Variants in TOX2 observed in about 807,000 individuals in gnomAD.
TOX2 encodes TOX high mobility group box family member 2, also known as granulosa cell HMG box 1.
A neutral mutation model predicts 47.4 loss-of-function variants in TOX2; 15 were observed. The observed-to-expected ratio is 0.32, with a 90% confidence interval of 0.21 to 0.49. The LOEUF is 0.49. Among genes scored for constraint, TOX2 ranks in the 20% least tolerant of loss-of-function variants. TOX2 has a pLI of 0.99. For missense variants in TOX2, 622 were observed against 673.1 expected (o/e 0.92, Z 0.84); for synonymous variants, 290 against 296.6 (o/e 0.98, Z 0.23).
At chr20:43,987,691 G>A (rs1052140240) in intron 2 of TOX2, among the ~76,000 whole-genome samples, 3 of 152,054 alleles carry the variant, frequency 2.0e-5, no homozygotes, top group Non-Finnish European at 2.9e-5. Context: ...ATGGATGGGC[G>A]AGCCTTTTAC....
chr20:43,941,219 A>G (rs1170913836), intron 1 of TOX2, among the ~76,000 whole-genome samples: 1 of 152,014 alleles, frequency 6.6e-6, no homozygotes, highest in Non-Finnish European at 1.5e-5. Context: ...GTTCACCTGC[A>G]CTGCATTTAA....
At chr20:43,938,637 C>T (rs1308102051) in intron 1 of TOX2, among the ~76,000 whole-genome samples, 3 of 152,152 alleles carry the variant, frequency 2.0e-5, no homozygotes, top group African/African-American at 4.8e-5. Context: ...TCCCACTTTA[C>T]GGAGAGCCTC....
intron 2 of TOX2, among the ~76,000 whole-genome samples, chr20:44,004,929 A>G (rs1569085791): frequency 6.6e-6 from 1 of 152,228 alleles, no homozygotes; most frequent in Non-Finnish European, 1.5e-5. Flanking sequence ...ACGTAGTTAT[A>G]TAGTCTGAAA....
At chr20:44,015,688 T>C (rs557940929) in intron 3 of TOX2, among the ~76,000 whole-genome samples, 1 of 152,318 alleles carries the variant, frequency 6.6e-6, no homozygotes, top group Non-Finnish European at 1.5e-5. Context: ...GAGTGTGAAG[T>C]TGAACACAAA....
intron 4 of TOX2, 149 bp downstream of exon 4, chr20:44,051,694 G>A (rs1193461033): frequency 1.1e-5 from 14 of 1,272,112 alleles, no homozygotes; most frequent in African/African-American, 1.5e-5. Context: ...CACTGAGCAG[G>A]CGTTCCTGGT....
intron 2 of TOX2, among the ~76,000 whole-genome samples, chr20:43,973,805 G>A (rs953489241): frequency 1.3e-5 from 2 of 152,206 alleles, no homozygotes; most frequent in African/African-American, 4.8e-5. Flanking sequence ...GTTCTGGTTT[G>A]GATGCACACA....
intron 3 of TOX2, among the ~76,000 whole-genome samples, chr20:44,027,137 A>G (rs2071080185): frequency 6.6e-6 from 1 of 152,272 alleles, no homozygotes; most frequent in South Asian, 2.1e-4. Context: ...TGAATAATTT[A>G]AATGAGGGTG....
At chr20:43,957,981 C>A (rs928319715) in intron 1 of TOX2, among the ~76,000 whole-genome samples, 53 of 152,310 alleles carry the variant, frequency 3.5e-4, no homozygotes, top group African/African-American at 1.2e-3. Flanking sequence ...CACCATGTCC[C>A]TCCTCCAAAA....
intron 3 of TOX2, among the ~76,000 whole-genome samples, chr20:44,042,516 G>A (rs77107853): frequency 0.016 from 2,511 of 152,296 alleles, 77 homozygotes; most frequent in African/African-American, 0.057. Context: ...ATAAAAGATC[G>A]TGATGATTCA....
intron 1 of TOX2, among the ~76,000 whole-genome samples, chr20:43,959,981 T>G (rs1439326015): frequency 6.6e-6 from 1 of 152,114 alleles, no homozygotes; most frequent in African/African-American, 2.4e-5. Flanking sequence ...TTCCTGGGTT[T>G]GAATCTTCAT....
At chr20:43,976,767 A>G (rs926748266) in intron 2 of TOX2, among the ~76,000 whole-genome samples, 6 of 145,668 alleles carry the variant, frequency 4.1e-5, no homozygotes, top group Middle Eastern at 3.6e-3. Flanking sequence ...TTGAACTCAC[A>G]ACGCGAGCGC....
At position 44,068,851 on chromosome 20, in the gene TOX2, ACT is replaced by A; in HGVS notation, c.*168_*169del. ...AGTCTCTTCCTCAACCTCCCACCAG[ACT>A]CTGCAGAGGCAGCCCACTGCCCACC... On this transcript the variant is annotated 3_prime_UTR_variant, in exon 9 of 9. Transcript: ENST00000341197. 1.0e-6 allele frequency: 1 copy of A among 959,718 alleles called. No homozygotes were observed. Among genetic ancestry groups the A allele is most frequent in the Non-Finnish European group, 1.6e-6 (1 of 608,600 alleles). The allele number at this position is 959,718 out of a possible 1,614,324, so 59.5% of individuals were successfully genotyped here. A position where few individuals can be genotyped will look rare whatever the true frequency, so the allele number is the denominator to read the frequency against.
chr20:44,064,115 C>CA (rs35832249), intron 5 of TOX2, among the ~76,000 whole-genome samples: 2 of 152,036 alleles, frequency 1.3e-5, no homozygotes, highest in African/African-American at 4.8e-5. Context: ...TATTCATATA[C>CA]AAAAAAAATT....
chr20:43,957,232 G>A (rs1360051492), intron 1 of TOX2, among the ~76,000 whole-genome samples: 1 of 152,126 alleles, frequency 6.6e-6, no homozygotes, highest in Non-Finnish European at 1.5e-5. Flanking sequence ...ATGCATTTTG[G>A]TTGGTGTCTT....
rs771870520 is a variant in TOX2 at position 44,054,327 on chromosome 20, A to G, written c.680A>G (p.Asp227Gly). 3.1e-6 allele frequency: 5 copies of G among 1,612,378 alleles called. No individual in the cohort carries two copies. In the Admixed American group the frequency reaches 8.4e-5, roughly 27 times the overall value. ...TCGGGAGAAAAGAGACCTTCAGCCG[A>G]CCCAGGAAAAAAGGCCAAGAACCCG... is the stretch of plus-strand genomic sequence containing the variant. ...KISGEKRPSA[D>G]PGKKAKNPKK... Residue 227 changes from aspartate (D) to glycine (G), a missense_variant, in exon 5 of 9, where the codon GAC (aspartate) becomes GGC (glycine). By Grantham distance (94) the Asp-to-Gly change is moderately conservative. Transcript: ENST00000341197.
At chr20:44,053,471 CAT>C (rs57421718) in intron 4 of TOX2, among the ~76,000 whole-genome samples, 97 of 113,290 alleles carry the variant, frequency 8.6e-4, no homozygotes, top group Middle Eastern at 4.6e-3. Flanking sequence ...CACACACACA[CAT>C]ATATATATAC....
intron 2 of TOX2, 58 bp from the exon 3 acceptor site, chr20:44,006,489 G>T (rs2070680977): frequency 6.4e-7 from 1 of 1,552,410 alleles, no homozygotes; most frequent in African/African-American, 1.4e-5. Flanking sequence ...GTGCTGTTGG[G>T]TATGTTCTGC....
chr20:44,064,984 G>GGTCAT, intron 6 of TOX2, 127 bp downstream of exon 6: 1 of 793,380 alleles, frequency 1.3e-6, no homozygotes, highest in South Asian at 1.7e-5. Context: ...AGACCTACAT[G>GGTCAT]GTCATGTCTG....
chr20:43,930,913 T>C (rs2069244111), intron 1 of TOX2, among the ~76,000 whole-genome samples: 1 of 152,204 alleles, frequency 6.6e-6, no homozygotes, highest in Admixed American at 6.5e-5. Flanking sequence ...ACCATGGTTT[T>C]CTGGAAGCCC....
Sources: allele counts gnomAD v4.1 joint callset (sites outside exome capture counted in the v4.1 genomes callset), GRCh38; gene constraint gnomAD v4.1.1; transcripts MANE v1.5; gene names NCBI Gene and HGNC (gene_info 2026-07-23, HGNC 2026-07-21).